The following PDSS2 variants were observed in gnomAD, a reference collection of about 807,000 sequenced individuals.
PDSS2 encodes the protein all trans-polyprenyl-diphosphate synthase PDSS2.
PDSS2 carries 31 observed loss-of-function variants against 44.5 expected under a neutral mutation model. The ratio of observed to expected loss-of-function variants is 0.70; its 90% CI spans 0.52 to 0.94. The LOEUF (loss-of-function observed/expected upper bound fraction) is 0.94. Ranked by LOEUF, PDSS2 falls within the 40% of genes least tolerant of loss-of-function variation. The pLI is 0.00. For missense variants in PDSS2, 452 were observed against 482.2 expected (o/e 0.94, Z 0.59); for synonymous variants, 157 against 180.3 (o/e 0.87, Z 1.03).
rs112727022 is a variant in PDSS2, at chr6:107,404,274, C to T, written c.296+54716G>A. Among the ~76,000 whole-genome samples, 112 of 152,254 alleles carry T rather than the reference C, an allele frequency of 7.4e-4. 1 individual carries two copies. The highest frequency in any genetic ancestry group is 1.3e-3 in the Non-Finnish European group (89 of 68,010). On this transcript the variant is annotated intron_variant, in intron 1 of 7. Coordinates refer to ENST00000369037, the MANE Select transcript of PDSS2 (RefSeq NM_020381.4). ...AGCACTATCAGCATTTTGGTCAAAG[C>T]TATTTGACAAGTCTCTAGGAAGTTC...
intron 3 of PDSS2, among the ~76,000 whole-genome samples, chr6:107,255,031 C>A (rs1332810403): frequency 1.3e-5 from 2 of 149,548 alleles, no homozygotes; most frequent in Non-Finnish European, 3.0e-5. Flanking sequence ...GCCCAGCTAA[C>A]TTTTGACTTT....
intron 1 of PDSS2, among the ~76,000 whole-genome samples, chr6:107,375,060 A>C (rs1779243802): frequency 6.6e-6 from 1 of 152,102 alleles, no homozygotes; most frequent in Non-Finnish European, 1.5e-5. Flanking sequence ...AATGAAAGTA[A>C]ATAAAAATAT....
At chr6:107,329,896 G>C (rs1777659397) in intron 2 of PDSS2, among the ~76,000 whole-genome samples, 1 of 151,598 alleles carries the variant, frequency 6.6e-6, no homozygotes, top group South Asian at 2.1e-4. Flanking sequence ...AGCTACTTGG[G>C]TAGCTCAGGC....
intron 6 of PDSS2, among the ~76,000 whole-genome samples, chr6:107,202,257 T>C (rs1037339056): frequency 2.6e-5 from 4 of 152,148 alleles, no homozygotes; most frequent in Non-Finnish European, 5.9e-5. Flanking sequence ...CTAGCTGGTC[T>C]TGAACTCCTG....
At chr6:107,340,427 AG>A (rs1778045073) in intron 1 of PDSS2, among the ~76,000 whole-genome samples, 1 of 152,200 alleles carries the variant, frequency 6.6e-6, no homozygotes, top group African/African-American at 2.4e-5. Context: ...ATCCTTCCAC[AG>A]CTACTAACAA....
intron 4 of PDSS2, among the ~76,000 whole-genome samples, chr6:107,215,858 C>T (rs532364488): frequency 2.0e-5 from 3 of 152,198 alleles, no homozygotes; most frequent in African/African-American, 7.2e-5. Context: ...GGAATAAGGT[C>T]GGGAACGGTG....
rs1554262539 is a variant in PDSS2, at chr6:107,286,136, T to TAAAAAAAAAAA, written c.432-11920_432-11910dup. Reference sequence around the variant, plus strand: ...CAAGGAGCAAAACTTCGTCGCAAAATAAAAAAAAAAAAAAGGAAAGAAAAG... The same window carrying TAAAAAAAAAAA: ...CAAGGAGCAAAACTTCGTCGCAAAATAAAAAAAAAAAAAAAAAAAAAAAAAGGAAAGAAAAG... On this transcript the variant is annotated intron_variant, in intron 2 of 7. Transcript: ENST00000369037. 1.3e-3 allele frequency among the ~76,000 whole-genome samples: 168 copies of TAAAAAAAAAAA among 128,714 alleles called. 2 individuals carry two copies. The highest frequency in any genetic ancestry group is 4.2e-3 in the African/African-American group (138 of 32,474). 84.4% of individuals were successfully genotyped at this position (128,714 alleles called of 152,430 possible).
chr6:107,204,104 G>A (rs555328284), intron 6 of PDSS2, among the ~76,000 whole-genome samples: 2 of 151,888 alleles, frequency 1.3e-5, no homozygotes, highest in African/African-American at 2.4e-5. Flanking sequence ...TACCACACCC[G>A]GCAAATTTCT....
rs144724315 is a variant in PDSS2 at position 107,192,296 on chromosome 6, C to T, written c.1041+1526G>A. ...TGAAGGAGGCAGATAAAAGGAGAGACGGTCCCAACACTCCTCATGGGAGGG... is the reference window on the plus strand; with the variant it reads ...TGAAGGAGGCAGATAAAAGGAGAGATGGTCCCAACACTCCTCATGGGAGGG... On this transcript the variant is annotated intron_variant, in intron 7 of 7. Transcript: ENST00000369037. The T allele has an allele frequency of 1.2e-4, 53 of 441,028 alleles. 2 individuals are homozygous for T. The highest frequency in any genetic ancestry group is 8.0e-4 in the African/African-American group (38 of 47,674). 27.3% of individuals were successfully genotyped at this position (441,028 alleles called of 1,614,324 possible).
chr6:107,416,582 T>A (rs1780667918), intron 1 of PDSS2, among the ~76,000 whole-genome samples: 1 of 152,222 alleles, frequency 6.6e-6, no homozygotes, highest in African/African-American at 2.4e-5. Context: ...TAAGTAAACC[T>A]TCTGGCAAAG....
intron 1 of PDSS2, among the ~76,000 whole-genome samples, chr6:107,402,509 TACACACAC>T (rs370968701): frequency 1.7e-5 from 2 of 119,566 alleles, no homozygotes; most frequent in African/African-American, 3.1e-5. Flanking sequence ...TACATATATA[TACACACAC>T]ATATATACAT....
intron 1 of PDSS2, among the ~76,000 whole-genome samples, chr6:107,342,163 G>C (rs1286024273): frequency 6.7e-6 from 1 of 149,616 alleles, no homozygotes; most frequent in Non-Finnish European, 1.5e-5. Flanking sequence ...GCACCCAGCA[G>C]AGCAACTGAC....
intron 1 of PDSS2, among the ~76,000 whole-genome samples, chr6:107,344,112 G>T (rs965747732): frequency 1.3e-5 from 2 of 152,060 alleles, no homozygotes. Flanking sequence ...GGACCCTTTT[G>T]GGTCCTACTA....
chr6:107,359,632 A>T (rs964918033), intron 1 of PDSS2, among the ~76,000 whole-genome samples: 5 of 150,954 alleles, frequency 3.3e-5, no homozygotes, highest in Non-Finnish European at 7.4e-5. Flanking sequence ...TTTAAAAAAA[A>T]AAAAAAAAGG....
chr6:107,310,284 CAAAAA>C (rs58991885), intron 2 of PDSS2, among the ~76,000 whole-genome samples: 3 of 90,260 alleles, frequency 3.3e-5, no homozygotes, highest in Non-Finnish European at 6.4e-5. Context: ...GACTCCATCC[CAAAAA>C]AAAAAAAAAA....
At chr6:107,236,037 C>T (rs1211955080) in intron 4 of PDSS2, among the ~76,000 whole-genome samples, 2 of 151,990 alleles carry the variant, frequency 1.3e-5, no homozygotes, top group African/African-American at 2.4e-5. Context: ...AAATAATAAT[C>T]TTTTCCCCGT....
intron 3 of PDSS2, among the ~76,000 whole-genome samples, chr6:107,256,242 C>T (rs930533618): frequency 1.6e-4 from 24 of 152,150 alleles, no homozygotes; most frequent in Admixed American, 1.0e-3. Flanking sequence ...CCACCCACCT[C>T]GGCCTCCCAA....
intron 1 of PDSS2, among the ~76,000 whole-genome samples, chr6:107,385,881 T>C (rs1230282862): frequency 6.6e-6 from 1 of 152,168 alleles, no homozygotes; most frequent in Non-Finnish European, 1.5e-5. Flanking sequence ...TCAGGCTTGC[T>C]TACTGGAAGA....
At chr6:107,314,882 A>G (rs1357645922) in intron 2 of PDSS2, among the ~76,000 whole-genome samples, 2 of 152,248 alleles carry the variant, frequency 1.3e-5, no homozygotes, top group African/African-American at 4.8e-5. Flanking sequence ...TTGGACAGGA[A>G]CAAAGGCAGA....
Sources: gnomAD v4.1 joint callset for allele counts (sites outside exome capture counted in the v4.1 genomes callset) on GRCh38, gnomAD v4.1.1 for gene constraint, MANE v1.5 for transcripts, NCBI Gene and HGNC (gene_info 2026-07-23, HGNC 2026-07-21) for gene names.